Variants in TOM1L2 observed in about 807,000 individuals in gnomAD.
The protein encoded by TOM1L2 is TOM1-like protein 2.
TOM1L2 carries 31 observed loss-of-function variants against 67.9 expected under a neutral mutation model. That is an observed-to-expected ratio of 0.46 (90% CI 0.34 to 0.62). The LOEUF is 0.62. Ranked by LOEUF, TOM1L2 falls within the 20% of genes least tolerant of loss-of-function variation. The probability of loss-of-function intolerance (pLI) is 0.01; values close to 1 mark genes in which losing one functional copy is unlikely to be tolerated. For synonymous variants in TOM1L2, 256 were observed against 254.0 expected, an observed-to-expected ratio of 1.01 and a Z score of -0.07; for missense variants, 606 against 663.5, an observed-to-expected ratio of 0.91 and a Z score of 0.95.
At chr17:17,950,470 T>G (rs1020249118) in intron 1 of TOM1L2, among the ~76,000 whole-genome samples, 5 of 152,066 alleles carry the variant, frequency 3.3e-5, no homozygotes, top group Admixed American at 1.3e-4. Context: ...CTCTTTTTTT[T>G]TTTTTTAGAG....
intron 1 of TOM1L2, among the ~76,000 whole-genome samples, chr17:17,912,312 G>C (rs1386792135): frequency 6.6e-6 from 1 of 151,880 alleles, no homozygotes; most frequent in Non-Finnish European, 1.5e-5. Flanking sequence ...TCCCGGACGG[G>C]GTGGCTGCCG....
chr17:17,851,442 C>T lies in TOM1L2; in HGVS notation c.1279-490G>A, dbSNP rs180843327. 103 of 186,878 alleles carry T rather than the reference C, an allele frequency of 5.5e-4. 1 individual carries two copies. The East Asian group carries it at 0.014, about 26-fold the overall frequency. 11.6% of individuals were successfully genotyped at this position (186,878 alleles called of 1,614,324 possible). A position where few individuals can be genotyped will look rare whatever the true frequency, so the allele number is the denominator to read the frequency against. ...TCAGAGGGCAGGGCAGCACCAGCCC[C>T]GGGGGGATGCAGGGGGTCTGTTTGC... On this transcript the variant is annotated intron_variant, in intron 12 of 14. Coordinates refer to ENST00000379504, the MANE Select transcript of TOM1L2 (RefSeq NM_001082968.2).
chr17:17,965,421 C>T (rs1244681283), intron 1 of TOM1L2, among the ~76,000 whole-genome samples: 1 of 152,204 alleles, frequency 6.6e-6, no homozygotes, highest in Non-Finnish European at 1.5e-5. Context: ...CAAGTTGTCT[C>T]TGCCAAGAAA....
intron 2 of TOM1L2, among the ~76,000 whole-genome samples, chr17:17,903,568 G>A (rs533122102): frequency 4.0e-5 from 6 of 149,798 alleles, no homozygotes; most frequent in Non-Finnish European, 8.9e-5. Context: ...AGCCGAGATC[G>A]CGCCACTGCA....
intron 10 of TOM1L2, chr17:17,863,188 A>C: frequency 4.1e-6 from 1 of 242,794 alleles, no homozygotes; most frequent in Non-Finnish European, 8.1e-6. Flanking sequence ...CTCAATCACA[A>C]TGTCCAAGGA....
intron 1 of TOM1L2, among the ~76,000 whole-genome samples, chr17:17,930,149 G>C (rs1004213143): frequency 1.3e-5 from 2 of 152,226 alleles, no homozygotes; most frequent in Non-Finnish European, 2.9e-5. Flanking sequence ...AAGGTTATCA[G>C]ACCATGAGAC....
At chr17:17,909,135 C>G (rs1472518949) in intron 1 of TOM1L2, among the ~76,000 whole-genome samples, 2 of 152,174 alleles carry the variant, frequency 1.3e-5, no homozygotes, top group African/African-American at 2.4e-5. Flanking sequence ...GAGCCAAGTT[C>G]ATGTCACTGC....
At chr17:17,900,296 G>C (rs200859885) in intron 2 of TOM1L2, among the ~76,000 whole-genome samples, 1 of 151,630 alleles carries the variant, frequency 6.6e-6, no homozygotes, top group East Asian at 1.9e-4. Flanking sequence ...GAGATGGGTG[G>C]ATCACTTGAG....
chr17:17,938,664 A>C (rs1290172482), intron 1 of TOM1L2, among the ~76,000 whole-genome samples: 1 of 152,176 alleles, frequency 6.6e-6, no homozygotes, highest in Non-Finnish European at 1.5e-5. Flanking sequence ...GCAGGCAGAT[A>C]GTCACAAACC....
intron 1 of TOM1L2, among the ~76,000 whole-genome samples, chr17:17,961,871 CAAAA>C (rs530184569): frequency 8.7e-6 from 1 of 115,382 alleles, no homozygotes. Context: ...GACTCCGTCT[CAAAA>C]AAAAAAAAAA....
At chr17:17,882,284 G>A (rs573263327) in intron 6 of TOM1L2, among the ~76,000 whole-genome samples, 1 of 152,292 alleles carries the variant, frequency 6.6e-6, no homozygotes, top group South Asian at 2.1e-4. Flanking sequence ...ATTCTGCCAT[G>A]GTTTCCTCCC....
chr17:17,894,970 T>A (rs1437291930), intron 3 of TOM1L2, among the ~76,000 whole-genome samples: 1 of 150,262 alleles, frequency 6.7e-6, no homozygotes, highest in Non-Finnish European at 1.5e-5. Context: ...CATACATACA[T>A]ACATACATGC....
At chr17:17,862,624 G>A in intron 11 of TOM1L2, 107 bp downstream of exon 11, 1 of 913,082 alleles carries the variant, frequency 1.1e-6, no homozygotes, top group Non-Finnish European at 1.7e-6. Flanking sequence ...AAAGTTCCTG[G>A]CAGTCCTGGA....
chr17:17,854,549 G>C (rs935300480), intron 12 of TOM1L2, among the ~76,000 whole-genome samples: 2 of 151,998 alleles, frequency 1.3e-5, no homozygotes, highest in Non-Finnish European at 2.9e-5. Flanking sequence ...TTTAGAGACA[G>C]AGTCTTGCTC....
intron 12 of TOM1L2, among the ~76,000 whole-genome samples, chr17:17,857,329 A>C (rs918871533): frequency 6.6e-6 from 1 of 152,210 alleles, no homozygotes; most frequent in Non-Finnish European, 1.5e-5. Flanking sequence ...AAAATCTGTC[A>C]AGCCTAGGAC....
chr17:17,876,081 T>C (rs1295187181), intron 7 of TOM1L2, among the ~76,000 whole-genome samples: 1 of 152,226 alleles, frequency 6.6e-6, no homozygotes, highest in African/African-American at 2.4e-5. Context: ...TTAAAAGTTA[T>C]TCATTGAAGA....
chr17:17,869,162 AGGAGG>A, intron 8 of TOM1L2, 173 bp downstream of exon 8: 1 of 1,223,196 alleles, frequency 8.2e-7, no homozygotes, highest in South Asian at 1.5e-5. Flanking sequence ...CTCAGTTCCC[AGGAGG>A]ACAAGAAGCA....
At chr17:17,955,833 C>T (rs2041415100) in intron 1 of TOM1L2, among the ~76,000 whole-genome samples, 1 of 152,150 alleles carries the variant, frequency 6.6e-6, no homozygotes, top group Admixed American at 6.6e-5. Flanking sequence ...TGAGTTTCTT[C>T]CTCCTGGTGG....
intron 1 of TOM1L2, among the ~76,000 whole-genome samples, chr17:17,967,750 C>T (rs772402961): frequency 1.3e-5 from 2 of 152,114 alleles, no homozygotes; most frequent in African/African-American, 4.8e-5. Flanking sequence ...TGGGATTATA[C>T]GCGCGTGCCA....
Sources: allele counts gnomAD v4.1 joint callset (sites outside exome capture counted in the v4.1 genomes callset), GRCh38; gene constraint gnomAD v4.1.1; transcripts MANE v1.5; gene names NCBI Gene and HGNC (gene_info 2026-07-23, HGNC 2026-07-21).